Variants in QRFPR observed in about 807,000 individuals in gnomAD.
QRFPR encodes pyroglutamylated RFamide peptide receptor.
QRFPR carries 37 observed loss-of-function variants against 31.3 expected under a neutral mutation model. The ratio of observed to expected loss-of-function variants is 1.18; its 90% CI spans 0.91 to 1.56. QRFPR has a LOEUF of 1.56. QRFPR is among the 40% of genes most tolerant of loss of function. The probability of loss-of-function intolerance (pLI) is 0.00; values close to 1 mark genes in which losing one functional copy is unlikely to be tolerated. For synonymous variants in QRFPR, 197 were observed against 192.0 expected (o/e 1.03, Z -0.22); for missense variants, 542 against 532.5 (o/e 1.02, Z -0.18).
Position 121,332,940 on chromosome 4 carries a change from A to G in QRFPR, c.678T>C (p.Pro226=). The G allele has an allele frequency of 6.2e-7, 1 of 1,614,060 alleles. No homozygotes were observed. The highest frequency in any genetic ancestry group is 1.1e-5 in the South Asian group (1 of 91,070). The change falls in exon 4 of 6, where the codon CCT becomes CCC. Residue 226 remains proline (P), a synonymous_variant. Coordinates refer to ENST00000394427, the MANE Select transcript of QRFPR (RefSeq NM_198179.3). The part of the protein sequence containing the change: ...TFILVILFLL[P]LMVMLILYSK... ...TGTACAGAATAAGCATCACCATAAG[A>G]GGCAGGAGGAAGAGGATGACAAGGA...
intron 1 of QRFPR, among the ~76,000 whole-genome samples, chr4:121,378,506 G>A (rs1043758406): frequency 1.3e-5 from 2 of 148,950 alleles, no homozygotes; most frequent in African/African-American, 2.5e-5. Flanking sequence ...TCTGCCTCCC[G>A]GGGTCAAGCC....
chr4:121,380,427 T>TTGC lies in QRFPR; in HGVS notation c.218_220dup (p.Ser73dup), dbSNP rs1726464808. Reference sequence around the variant, plus strand: ...GATGTTGGTGACGGTGCGCATGGCCTTGCTGCGGGTCACCACGTAGAACAC... The same window carrying TTGC: ...GATGTTGGTGACGGTGCGCATGGCCTTGCTGCTGCGGGTCACCACGTAGAACAC... On this transcript the variant is annotated inframe_insertion, in exon 1 of 6. Transcript: ENST00000394427. 1 of 1,614,236 alleles carries TTGC rather than the reference T, an allele frequency of 6.2e-7. No individual in the cohort carries two copies. The highest frequency in any genetic ancestry group is 2.2e-5 in the East Asian group (1 of 44,880).
chr4:121,349,918 A>G (rs1389632187), intron 1 of QRFPR, among the ~76,000 whole-genome samples: 1 of 152,228 alleles, frequency 6.6e-6, no homozygotes, highest in African/African-American at 2.4e-5. Context: ...TATACATGCA[A>G]TAGAAAAATG....
intron 1 of QRFPR, among the ~76,000 whole-genome samples, chr4:121,343,552 T>G (rs1293406355): frequency 1.3e-5 from 2 of 152,236 alleles, no homozygotes; most frequent in Non-Finnish European, 2.9e-5. Flanking sequence ...TTTGAATAGT[T>G]ACTATACTGT....
In QRFPR at chr4:121,368,540, G is replaced by A. The variant is rs150041227; in HGVS notation, c.340+11768C>T. On this transcript the variant is annotated intron_variant, in intron 1 of 5. Transcript: ENST00000394427. ...GGCCCCACATGAAGAACTGGTTGCA[G>A]GACAGTGATCCATTAGGTCTACCAA... 4.8e-3 allele frequency among the ~76,000 whole-genome samples: 723 copies of A among 150,440 alleles called. 51 individuals carry two copies. The highest frequency in any genetic ancestry group is 0.017 in the African/African-American group (688 of 40,760).
chr4:121,345,655 C>T (rs1188607240), intron 1 of QRFPR, among the ~76,000 whole-genome samples: 1 of 152,036 alleles, frequency 6.6e-6, no homozygotes, highest in Admixed American at 6.6e-5. Flanking sequence ...TTTATTTTGC[C>T]TACTGGATTA....
chr4:121,331,050 G>A (rs898173587), intron 4 of QRFPR, among the ~76,000 whole-genome samples: 1 of 151,732 alleles, frequency 6.6e-6, no homozygotes, highest in Non-Finnish European at 1.5e-5. Context: ...AGAATTTAGT[G>A]AGTCCAGAAG....
At chr4:121,329,788 T>C in intron 5 of QRFPR, 74 bp from the exon 6 acceptor site, 1 of 1,074,772 alleles carries the variant, frequency 9.3e-7, no homozygotes, top group Non-Finnish European at 1.3e-6. Flanking sequence ...TTGTCACCTG[T>C]CAAAGACTTA....
rs531359680 is a variant in QRFPR at position 121,372,826 on chromosome 4, C to T, written c.340+7482G>A. ...CAGCATATTTTGTATATCCATTTGTCCATCGATGGACACTTGGTTTGAGAC... is the reference window on the plus strand; with the variant it reads ...CAGCATATTTTGTATATCCATTTGTTCATCGATGGACACTTGGTTTGAGAC... On this transcript the variant is annotated intron_variant, in intron 1 of 5. Coordinates refer to ENST00000394427, the MANE Select transcript of QRFPR (RefSeq NM_198179.3). 8.3e-3 allele frequency among the ~76,000 whole-genome samples: 1,264 copies of T among 152,236 alleles called. 12 individuals carry two copies. The highest frequency in any genetic ancestry group is 0.014 in the Non-Finnish European group (927 of 68,024).
intron 1 of QRFPR, among the ~76,000 whole-genome samples, chr4:121,341,479 T>C (rs571561351): frequency 1.2e-3 from 184 of 152,290 alleles, no homozygotes; most frequent in African/African-American, 4.4e-3. Flanking sequence ...AAGCTCTGCT[T>C]AAATACAGGT....
intron 1 of QRFPR, among the ~76,000 whole-genome samples, chr4:121,365,533 TA>T (rs1378524553): frequency 0.2 from 1,766 of 8,858 alleles, 681 homozygotes; most frequent in East Asian, 0.67. Context: ...ATATTATATA[TA>T]ATATATATTA....
intron 1 of QRFPR, among the ~76,000 whole-genome samples, chr4:121,371,105 T>G (rs1485588465): frequency 6.6e-6 from 1 of 152,240 alleles, no homozygotes; most frequent in Non-Finnish European, 1.5e-5. Context: ...AGCATCTAAC[T>G]GTTTCTCTAT....
intron 2 of QRFPR, among the ~76,000 whole-genome samples, chr4:121,337,418 G>A (rs1047457363): frequency 6.6e-6 from 1 of 152,198 alleles, no homozygotes; most frequent in African/African-American, 2.4e-5. Context: ...CTCTAGTGCA[G>A]TGTCTTCGTT....
At chr4:121,379,200 A>T (rs1276002254) in intron 1 of QRFPR, among the ~76,000 whole-genome samples, 5 of 152,226 alleles carry the variant, frequency 3.3e-5, no homozygotes, top group Non-Finnish European at 7.3e-5. Flanking sequence ...ATAGATTGAT[A>T]AGAATCAAGG....
Position 121,339,676 on chromosome 4 carries a change from C to A in QRFPR, c.499+776G>T, listed in dbSNP as rs538025642. On this transcript the variant is annotated intron_variant, in intron 2 of 5. Transcript: ENST00000394427. The stretch of plus-strand genomic sequence containing the variant: ...GCCTGGCCAGGTGCAGTGGCTCACA[C>A]CGGTAATCCTAGCATGTTGGGAGGC... 2.6e-5 allele frequency among the ~76,000 whole-genome samples: 4 copies of A among 152,206 alleles called. No individual in the cohort carries two copies. The South Asian group carries it at 8.3e-4, about 32-fold the overall frequency.
At chr4:121,334,261 C>T (rs1026114212) in intron 3 of QRFPR, among the ~76,000 whole-genome samples, 1 of 152,154 alleles carries the variant, frequency 6.6e-6, no homozygotes, top group African/African-American at 2.4e-5. Context: ...TGGACTTCAG[C>T]AAAGACTTCC....
rs1354039703 is a variant in QRFPR, at chr4:121,380,585, C to G, written c.63G>C (p.Thr21=). 6.2e-7 allele frequency: 1 copy of G among 1,606,594 alleles called. No individual in the cohort carries two copies. The highest frequency in any genetic ancestry group is 8.5e-7 in the Non-Finnish European group (1 of 1,175,854). Residue 21 remains threonine, a synonymous_variant, in exon 1 of 6, where the codon ACG becomes ACC. Coordinates refer to ENST00000394427, the MANE Select transcript of QRFPR (RefSeq NM_198179.3). ...GGTACAGAGCGATGAACTGCTCCCG[C>G]GTCAGGTTGTGGTCCCGCAGCAGCC... ...FSRLLRDHNL[T]REQFIALYRL... is the part of the protein sequence containing the mutation.
Position 121,329,488 on chromosome 4 carries a change from T to C in QRFPR, c.1122A>G (p.Ala374=). ...CTGGATTCTCTCTGAGGGAAAACTT[T>C]GCTTTCTTCCGCATCATTGTAATTC... ...NSGITMMRKK[A]KFSLRENPVE... is the part of the protein sequence containing the mutation. The change falls in exon 6 of 6, where the codon GCA becomes GCG. Residue 374 remains alanine (A), a synonymous_variant. Coordinates refer to ENST00000394427, the MANE Select transcript of QRFPR (RefSeq NM_198179.3). The C allele has an allele frequency of 6.2e-7, 1 of 1,614,162 alleles. No homozygotes were observed. The highest frequency in any genetic ancestry group is 8.5e-7 in the Non-Finnish European group (1 of 1,180,020).
At chr4:121,370,716 G>A (rs539053228) in intron 1 of QRFPR, among the ~76,000 whole-genome samples, 1 of 152,250 alleles carries the variant, frequency 6.6e-6, no homozygotes, top group South Asian at 2.1e-4. Flanking sequence ...TTTTTAAAAC[G>A]TTAACATATT....
Sources: allele counts gnomAD v4.1 joint callset (sites outside exome capture counted in the v4.1 genomes callset), GRCh38; gene constraint gnomAD v4.1.1; transcripts MANE v1.5; gene names NCBI Gene and HGNC (gene_info 2026-07-23, HGNC 2026-07-21).